MYT1: variants seen among roughly 807,000 people sequenced by gnomAD.
MYT1 encodes the protein myelin transcription factor 1.
In MYT1, 23 loss-of-function variants were observed where a neutral mutation model predicts 123.0. The observed-to-expected ratio is 0.19, with a 90% CI of 0.13 to 0.26. MYT1 has a LOEUF of 0.26. MYT1 is among the 10% of genes least tolerant of loss of function. The pLI, the probability that MYT1 is intolerant of heterozygous loss-of-function variation, is 1.00. For synonymous variants in MYT1, 518 were observed against 575.3 expected (o/e 0.90, Z 1.43); for missense variants, 1,125 against 1,472.5 (o/e 0.76, Z 3.86).
intron 1 of MYT1, among the ~76,000 whole-genome samples, chr20:64,177,626 G>GGCAGGGACAAGAGGGTACCCCTCTCCA (rs1982504783): frequency 4.2e-5 from 6 of 141,208 alleles, no homozygotes; most frequent in African/African-American, 1.7e-4. Context: ...CCCCTCTCCG[G>GGCAGGGACAAGAGGGTACCCCTCTCCA]GGGCGGGGAC....
Position 64,193,403 on chromosome 20 carries a change from C to T in MYT1, c.-1+3243C>T, listed in dbSNP as rs967378446. ...CCTCCTGGGATACTCGGGAGGGGAG[C>T]AACACAAATGCTTGAATGCTGCTCT... On this transcript the variant is annotated intron_variant, in intron 2 of 22. Coordinates refer to ENST00000328439, the MANE Select transcript of MYT1 (RefSeq NM_004535.3). This position sits in a 1 kb window ranked among gnomAD's most constrained non-coding sequence, Gnocchi z 4.0. 1.1e-4 allele frequency among the ~76,000 whole-genome samples: 16 copies of T among 152,134 alleles called. No homozygotes were observed. Among genetic ancestry groups the T allele is most frequent in the Non-Finnish European group, 2.1e-4 (14 of 68,020 alleles).
At chr20:64,230,878 G>C (rs968986375) in intron 18 of MYT1, among the ~76,000 whole-genome samples, 1 of 152,214 alleles carries the variant, frequency 6.6e-6, no homozygotes, top group African/African-American at 2.4e-5. Flanking sequence ...GGTCCTGGCC[G>C]AGTTGGCTGG....
intron 1 of MYT1, among the ~76,000 whole-genome samples, chr20:64,179,092 C>T (rs543300998): frequency 1.2e-4 from 18 of 146,226 alleles, no homozygotes; most frequent in Admixed American, 8.1e-4. Context: ...AGCACTGAGC[C>T]GTTATTTGGT....
chr20:64,164,941 G>C (rs1056691688), intron 1 of MYT1, among the ~76,000 whole-genome samples: 1 of 152,070 alleles, frequency 6.6e-6, no homozygotes, highest in Non-Finnish European at 1.5e-5. Context: ...GGCCTGCCGT[G>C]TGCTGTTTTT....
At chr20:64,211,084 A>T in intron 7 of MYT1, 122 bp from the exon 8 acceptor site, 3 of 1,099,748 alleles carry the variant, frequency 2.7e-6, no homozygotes, top group Non-Finnish European at 3.8e-6. Context: ...GTTCAAGCTC[A>T]TGGGCAGTCT....
Position 64,219,027 on chromosome 20 carries a change from C to T in MYT1, c.1963C>T (p.Pro655Ser). Residue 655 changes from proline to serine, a missense_variant, in exon 12 of 23, where the codon CCC becomes TCC. This residue lies in a region of MYT1 where 429 missense variants were observed against 604.1 expected (regional missense o/e 0.71). Coordinates refer to ENST00000328439, the MANE Select transcript of MYT1 (RefSeq NM_004535.3). Reference protein sequence around the residue: ...ENLSTKPQDLPSKSVDIEVDE... With the variant: ...ENLSTKPQDLSSKSVDIEVDE... ...CCTCAGCACGAAGCCACAGGACCTCCCCAGCAAGGTTAGTACATCTGCCAC... is the reference window on the plus strand; with the variant it reads ...CCTCAGCACGAAGCCACAGGACCTCTCCAGCAAGGTTAGTACATCTGCCAC... 1 of 1,613,028 alleles carries T rather than the reference C, an allele frequency of 6.2e-7. No homozygotes were observed. The highest frequency in any genetic ancestry group is 8.5e-7 in the Non-Finnish European group (1 of 1,179,676).
chr20:64,227,326 C>A, intron 16 of MYT1, 89 bp from the exon 17 acceptor site: 1 of 1,283,152 alleles, frequency 7.8e-7, no homozygotes, highest in East Asian at 2.5e-5. Context: ...GGGCTGAGCC[C>A]AGAAGGCTTT....
rs77899290 is a variant in MYT1, at chr20:64,202,542, C to T, written c.87-2493C>T. 0.013 allele frequency among the ~76,000 whole-genome samples: 1,907 copies of T among 152,198 alleles called. 32 individuals are homozygous for T. Among genetic ancestry groups the T allele is most frequent in the African/African-American group, 0.043 (1,788 of 41,500 alleles). The stretch of plus-strand genomic sequence containing the variant: ...CTGTAGCTCACCCTTCTTCTTCTGG[C>T]GCCTTCCTCCTTGAGCCACTGGCCA... On this transcript the variant is annotated intron_variant, in intron 4 of 22. Coordinates refer to ENST00000328439, the MANE Select transcript of MYT1 (RefSeq NM_004535.3). This position sits in a 1 kb window ranked among gnomAD's most constrained non-coding sequence, Gnocchi z 5.0.
chr20:64,212,196 AGGGTGG>A lies in MYT1; in HGVS notation c.1517+62_1517+67del. On this transcript the variant is annotated intron_variant, in intron 9 of 22. Coordinates refer to ENST00000328439, the MANE Select transcript of MYT1 (RefSeq NM_004535.3). The surrounding 1 kb of genome is among the most constrained non-coding windows in gnomAD (Gnocchi z 6.8). Reference sequence around the variant, plus strand: ...CAGGGTGGGGGCCGTGGTGGGGGCCAGGGTGGGGGCCGTGGTGGGGGCCAGGGTGGG... The same window carrying A: ...CAGGGTGGGGGCCGTGGTGGGGGCCAGGGCCGTGGTGGGGGCCAGGGTGGG... The A allele has an allele frequency of 1.1e-4, 7 of 65,076 alleles. No individual in the cohort carries two copies. The highest frequency in any genetic ancestry group is 3.3e-4 in the South Asian group (3 of 9,046). The allele number at this position is 65,076 out of a possible 1,614,324, so 4.0% of individuals were successfully genotyped here.
chr20:64,240,487 G>A lies in MYT1; in HGVS notation c.*39G>A, dbSNP rs74627944. On this transcript the variant is annotated 3_prime_UTR_variant, in exon 23 of 23. Transcript: ENST00000328439. The stretch of plus-strand genomic sequence containing the variant: ...CAGAAGTGTCCCAGCCCACCACACC[G>A]TTTACCTCCCTCGCCCTGCCCCGCA... The A allele has an allele frequency of 1.1e-3, 1,771 of 1,598,126 alleles. 20 individuals carry two copies. In the African/African-American group the frequency reaches 0.018, roughly 17 times the overall value.
Position 64,230,482 on chromosome 20 carries a change from C to T in MYT1, c.2676-1682C>T, listed in dbSNP as rs545689813. ...GAGCCAAGATTGTGCCACTGCACTC[C>T]GGCCTGGGCAACAAGAGCGAGACTC... On this transcript the variant is annotated intron_variant, in intron 18 of 22. Coordinates refer to ENST00000328439, the MANE Select transcript of MYT1 (RefSeq NM_004535.3). Among the ~76,000 whole-genome samples, 748 of 152,326 alleles carry T rather than the reference C, an allele frequency of 4.9e-3. 1 individual carries two copies. Among genetic ancestry groups the T allele is most frequent in the Non-Finnish European group, 8.0e-3 (543 of 68,024 alleles).
intron 13 of MYT1, among the ~76,000 whole-genome samples, chr20:64,220,586 G>A (rs1360158641): frequency 6.6e-6 from 1 of 152,240 alleles, no homozygotes; most frequent in Admixed American, 6.5e-5. Flanking sequence ...CCGGTTCTGG[G>A]CTTTTTCCCA....
chr20:64,195,420 G>A, intron 2 of MYT1, among the ~76,000 whole-genome samples: 2 of 56,002 alleles, frequency 3.6e-5, no homozygotes, highest in Admixed American at 2.2e-4. Context: ...TTTTGAGACG[G>A]AGTCTCACTC....
chr20:64,239,078 C>T (rs544460473), intron 21 of MYT1, among the ~76,000 whole-genome samples: 41 of 152,374 alleles, frequency 2.7e-4, no homozygotes, highest in African/African-American at 3.8e-4. Context: ...TTAGCCTCTG[C>T]CCCCGTGGCT....
rs927831909 is a variant in MYT1 at position 64,227,905 on chromosome 20, G to A, written c.2609G>A (p.Arg870His). 4.3e-6 allele frequency: 7 copies of A among 1,613,178 alleles called. No individual in the cohort carries two copies. The highest frequency in any genetic ancestry group is 3.3e-5 in the Admixed American group (2 of 59,816). Residue 870 changes from arginine (R) to histidine (H), a missense_variant, in exon 18 of 23, where the codon CGT becomes CAT. By Grantham distance (29) the Arg-to-His change is conservative. Transcript: ENST00000328439. ...ASHRSLSGCP[R>H]AKKSGVKVAP... ...GAAATCAGCTTGTCCGGCTGCCCTC[G>A]TGCAAAGAAAAGTGGAGTCAAGGTG...
At chr20:64,216,970 G>A in intron 10 of MYT1, 97 bp from the exon 11 acceptor site, 3 of 1,157,880 alleles carry the variant, frequency 2.6e-6, no homozygotes, top group Middle Eastern at 2.9e-4. Flanking sequence ...CAGACGCTGT[G>A]AGGCCCCTGC....
chr20:64,236,360 CCGCGGTGGGTGACCCTGGGA>C (rs1984543113), intron 19 of MYT1, among the ~76,000 whole-genome samples, 175 bp from the exon 20 acceptor site: 3 of 136,812 alleles, frequency 2.2e-5, no homozygotes, highest in Non-Finnish European at 3.1e-5. Flanking sequence ...CCTGGGATGG[CCGCGGTGGGTGACCCTGGGA>C]TGGCCGTGGT....
rs1358432569 is a variant in MYT1, at chr20:64,193,964, G to A, written c.-1+3804G>A. On this transcript the variant is annotated intron_variant, in intron 2 of 22. Coordinates refer to ENST00000328439, the MANE Select transcript of MYT1 (RefSeq NM_004535.3). The surrounding 1 kb of genome is among the most constrained non-coding windows in gnomAD (Gnocchi z 4.0). ...GGGGTGAATGGCCCCCGTGGTGTCAGAATGCCCGGAACCCCCCAGCTCAGC... is the reference window on the plus strand; with the variant it reads ...GGGGTGAATGGCCCCCGTGGTGTCAAAATGCCCGGAACCCCCCAGCTCAGC... Among the ~76,000 whole-genome samples, 1 of 152,280 alleles carries A rather than the reference G, an allele frequency of 6.6e-6. No individual in the cohort carries two copies. Among genetic ancestry groups the A allele is most frequent in the East Asian group, 1.9e-4 (1 of 5,182 alleles).
rs573466388 is a variant in MYT1 at position 64,236,284 on chromosome 20, C to A, written c.2898-271C>A. On this transcript the variant is annotated intron_variant, in intron 19 of 22. Coordinates refer to ENST00000328439, the MANE Select transcript of MYT1 (RefSeq NM_004535.3). The stretch of plus-strand genomic sequence containing the variant: ...GATGGCGGTGGTGGGTGACCCGGGG[C>A]TGGCCGCGGTGGGTGACCCTGGGAT... Among the ~76,000 whole-genome samples, 419 of 119,998 alleles carry A rather than the reference C, an allele frequency of 3.5e-3. 6 individuals are homozygous for A. The highest frequency in any genetic ancestry group is 0.011 in the African/African-American group (323 of 30,388). The allele number at this position is 119,998 out of a possible 152,430, so 78.7% of individuals were successfully genotyped here.
Sources: allele counts gnomAD v4.1 joint callset (sites outside exome capture counted in the v4.1 genomes callset), GRCh38; gene constraint gnomAD v4.1.1; regional missense constraint gnomAD v4.1.1; non-coding constraint Gnocchi (gnomAD v3.1); transcripts MANE v1.5; gene names NCBI Gene and HGNC (gene_info 2026-07-23, HGNC 2026-07-21).